PPM1L: variants seen among roughly 807,000 people sequenced by gnomAD.
PPM1L encodes protein phosphatase, Mg2+/Mn2+ dependent 1L.
Under a neutral mutation model 31.4 loss-of-function variants are expected in PPM1L, and 13 were observed. That is an observed-to-expected ratio of 0.41 (90% CI 0.27 to 0.66). The LOEUF (loss-of-function observed/expected upper bound fraction) is 0.66, where lower values mean the gene tolerates loss of function less well. PPM1L is among the 30% of genes least tolerant of loss of function. The pLI, the probability that PPM1L is intolerant of heterozygous loss-of-function variation, is 0.29. For missense variants in PPM1L, 326 were observed against 453.7 expected, an observed-to-expected ratio of 0.72 and a Z score of 2.56; for synonymous variants, 184 against 175.4, an observed-to-expected ratio of 1.05 and a Z score of -0.39.
intron 2 of PPM1L, among the ~76,000 whole-genome samples, chr3:160,968,118 G>T (rs1716214997): frequency 6.6e-6 from 1 of 151,980 alleles, no homozygotes. Flanking sequence ...TATTTTTATT[G>T]GTGGGATGGG....
At chr3:160,894,357 G>T (rs1346018965) in intron 1 of PPM1L, among the ~76,000 whole-genome samples, 1 of 149,536 alleles carries the variant, frequency 6.7e-6, no homozygotes, top group African/African-American at 2.6e-5. Context: ...ATATGTAACT[G>T]TTGGCTATAT....
intron 1 of PPM1L, among the ~76,000 whole-genome samples, chr3:160,862,081 C>T (rs957271516): frequency 3.3e-5 from 5 of 152,052 alleles, no homozygotes; most frequent in East Asian, 3.8e-4. Context: ...GGGACTAGGG[C>T]GTGGACATAT....
chr3:161,012,947 G>T (rs1210727624), intron 2 of PPM1L, among the ~76,000 whole-genome samples: 1 of 151,842 alleles, frequency 6.6e-6, no homozygotes, highest in African/African-American at 2.4e-5. Flanking sequence ...TATCAATATT[G>T]TTGATCCTTT....
At chr3:160,897,846 T>C (rs1244275542) in intron 1 of PPM1L, among the ~76,000 whole-genome samples, 1 of 152,234 alleles carries the variant, frequency 6.6e-6, no homozygotes, top group African/African-American at 2.4e-5. Flanking sequence ...TCTCAGTGTC[T>C]CACCTCCACC....
intron 2 of PPM1L, among the ~76,000 whole-genome samples, chr3:160,990,804 G>T (rs1717107927): frequency 1.3e-5 from 2 of 152,160 alleles, no homozygotes; most frequent in African/African-American, 2.4e-5. Flanking sequence ...TCTACTATTT[G>T]CAAGTTGTAT....
At chr3:160,916,220 A>C (rs916913263) in intron 1 of PPM1L, among the ~76,000 whole-genome samples, 2 of 152,168 alleles carry the variant, frequency 1.3e-5, no homozygotes, top group Non-Finnish European at 2.9e-5. Flanking sequence ...CAAGAAAAAA[A>C]CAAACAACCC....
intron 1 of PPM1L, among the ~76,000 whole-genome samples, chr3:160,813,388 G>A (rs771144482): frequency 3.9e-5 from 6 of 151,908 alleles, no homozygotes; most frequent in East Asian, 3.9e-4. Context: ...CATCCAGGCC[G>A]GAGTGCAGTG....
intron 1 of PPM1L, among the ~76,000 whole-genome samples, chr3:160,771,595 G>A (rs1032626136): frequency 3.8e-4 from 41 of 109,232 alleles, no homozygotes; most frequent in Admixed American, 2.3e-3. Context: ...AAATATTTCT[G>A]TGTGTGATCA....
chr3:161,000,913 C>T (rs923749513), intron 2 of PPM1L, among the ~76,000 whole-genome samples: 3 of 152,146 alleles, frequency 2.0e-5, no homozygotes, highest in Non-Finnish European at 4.4e-5. Flanking sequence ...ACATTAAAAG[C>T]TATACTGAGT....
chr3:160,761,538 C>T (rs1165160214), intron 1 of PPM1L, among the ~76,000 whole-genome samples: 2 of 152,162 alleles, frequency 1.3e-5, no homozygotes, highest in Non-Finnish European at 2.9e-5. Flanking sequence ...TTGGCTGCTA[C>T]AAGTATTAAG....
At position 161,012,413 on chromosome 3, in the gene PPM1L, G is replaced by T. The variant is rs575036469; in HGVS notation, c.574+50503G>T. Among the ~76,000 whole-genome samples, 43 of 152,152 alleles carry T rather than the reference G, an allele frequency of 2.8e-4. 1 individual carries two copies. The South Asian group carries it at 8.7e-3, about 31-fold the overall frequency. ...AGCTTTTTGATGTGCCACTGGATTC[G>T]GTTTGCTAGTATTTTATTGAGGATT... is the stretch of plus-strand genomic sequence containing the variant. On this transcript the variant is annotated intron_variant, in intron 2 of 3. Transcript: ENST00000498165.
At chr3:160,949,463 T>G (rs754867087) in intron 1 of PPM1L, among the ~76,000 whole-genome samples, 49 of 152,124 alleles carry the variant, frequency 3.2e-4, no homozygotes, top group Non-Finnish European at 4.6e-4. Flanking sequence ...GGTGTGATGC[T>G]CGGCAAGTAT....
intron 1 of PPM1L, among the ~76,000 whole-genome samples, chr3:160,825,510 T>C (rs1422585436): frequency 6.6e-6 from 1 of 152,124 alleles, no homozygotes; most frequent in East Asian, 1.9e-4. Flanking sequence ...CTGCATCCTC[T>C]GATCTCATGA....
intron 1 of PPM1L, among the ~76,000 whole-genome samples, chr3:160,799,930 A>G (rs965011725): frequency 9.9e-5 from 15 of 152,158 alleles, no homozygotes; most frequent in Admixed American, 6.5e-4. Flanking sequence ...CCTCCCTAGT[A>G]TGTAAGTCTC....
chr3:160,970,813 A>T (rs1158519785), intron 2 of PPM1L, among the ~76,000 whole-genome samples: 6 of 39,496 alleles, frequency 1.5e-4, no homozygotes, highest in African/African-American at 4.3e-4. Context: ...TTTTTTTGAG[A>T]CGGAGTCTCG....
chr3:160,763,377 G>T (rs1238242342), intron 1 of PPM1L, among the ~76,000 whole-genome samples: 1 of 152,134 alleles, frequency 6.6e-6, no homozygotes, highest in Admixed American at 6.5e-5. Context: ...CATTTTTAAT[G>T]CAGGTAAATG....
rs747882955 is a variant in PPM1L, at chr3:160,919,050, C to T, written c.400-42686C>T. Among the ~76,000 whole-genome samples the T allele has an allele frequency of 2.6e-5, 4 of 152,194 alleles. No homozygotes were observed. The South Asian group carries it at 6.2e-4, about 24-fold the overall frequency. On this transcript the variant is annotated intron_variant, in intron 1 of 3. Transcript: ENST00000498165. ...CACTGGGATGGTTAGTGAAAAAGCT[C>T]GTGAAATCTCCTCAGACTGGGATAA...
intron 1 of PPM1L, among the ~76,000 whole-genome samples, chr3:160,861,260 A>G (rs1358643818): frequency 6.6e-6 from 1 of 152,192 alleles, no homozygotes; most frequent in Non-Finnish European, 1.5e-5. Context: ...AATGAGAAGC[A>G]ACTATGTGCT....
chr3:160,814,005 G>C (rs1256506852), intron 1 of PPM1L, among the ~76,000 whole-genome samples: 1 of 152,104 alleles, frequency 6.6e-6, no homozygotes, highest in African/African-American at 2.4e-5. Context: ...TAGAGACATA[G>C]AAAAGTAAAG....
Sources: gnomAD v4.1 joint callset for allele counts (sites outside exome capture counted in the v4.1 genomes callset) on GRCh38, gnomAD v4.1.1 for gene constraint, MANE v1.5 for transcripts, NCBI Gene and HGNC (gene_info 2026-07-23, HGNC 2026-07-21) for gene names.